Variants in PCSK5 observed in about 807,000 individuals in gnomAD.
PCSK5 encodes the protein proprotein convertase subtilisin/kexin type 5.
A neutral mutation model predicts 233.2 loss-of-function variants in PCSK5; 129 were observed. The ratio of observed to expected loss-of-function variants is 0.55; its 90% CI spans 0.48 to 0.64. PCSK5 has a LOEUF of 0.64. PCSK5 is among the 30% of genes least tolerant of loss of function. The pLI is 0.00. For synonymous variants in PCSK5, 825 were observed against 879.2 expected, an observed-to-expected ratio of 0.94 and a Z score of 1.09; for missense variants, 2,076 against 2,430.1, an observed-to-expected ratio of 0.85 and a Z score of 3.06.
intron 10 of PCSK5, among the ~76,000 whole-genome samples, chr9:76,142,059 C>A (rs1446069767): frequency 1.3e-5 from 2 of 151,992 alleles, no homozygotes; most frequent in Non-Finnish European, 2.9e-5. Flanking sequence ...ATGAAATAAT[C>A]TGTACAACAC....
chr9:76,031,422 C>T (rs1828648119), intron 5 of PCSK5, among the ~76,000 whole-genome samples: 1 of 152,148 alleles, frequency 6.6e-6, no homozygotes. Flanking sequence ...GGCACAGTGA[C>T]TCACACCTGT....
At chr9:76,215,700 C>A (rs1032612377) in intron 20 of PCSK5, among the ~76,000 whole-genome samples, 1 of 151,970 alleles carries the variant, frequency 6.6e-6, no homozygotes, top group South Asian at 2.1e-4. Context: ...GGCAGGCAGG[C>A]GATCCTTCTC....
intron 3 of PCSK5, among the ~76,000 whole-genome samples, chr9:75,987,786 T>C (rs1826586665): frequency 6.6e-6 from 1 of 152,228 alleles, no homozygotes; most frequent in Non-Finnish European, 1.5e-5. Context: ...GAGCTTTGTC[T>C]GCACTGACAA....
chr9:76,315,641 A>ATTTTTTT (rs777066898), intron 30 of PCSK5, among the ~76,000 whole-genome samples: 2 of 139,102 alleles, frequency 1.4e-5, no homozygotes, highest in Non-Finnish European at 3.1e-5. Context: ...GGAGAAGACT[A>ATTTTTTT]CTTTTTTTTT....
At chr9:75,977,767 C>T (rs932122215) in intron 2 of PCSK5, among the ~76,000 whole-genome samples, 3 of 151,642 alleles carry the variant, frequency 2.0e-5, no homozygotes, top group South Asian at 2.1e-4. Context: ...CCTCCCACCA[C>T]GCACGGCTAA....
intron 10 of PCSK5, among the ~76,000 whole-genome samples, chr9:76,145,166 A>G (rs546822748): frequency 3.0e-4 from 45 of 152,300 alleles, no homozygotes; most frequent in African/African-American, 7.2e-4. Context: ...TTTCATCACT[A>G]TCTTTATCAC....
chr9:76,040,397 C>CTGTCTCTCTGTCTCTCTG (rs1587537519), intron 5 of PCSK5, among the ~76,000 whole-genome samples: 4 of 121,610 alleles, frequency 3.3e-5, no homozygotes, highest in Non-Finnish European at 5.3e-5. Flanking sequence ...CTCTCTCTCT[C>CTGTCTCTCTGTCTCTCTG]TCTCTCTCTC....
intron 21 of PCSK5, among the ~76,000 whole-genome samples, chr9:76,231,937 T>A (rs1487225292): frequency 6.6e-6 from 1 of 151,954 alleles, no homozygotes; most frequent in Non-Finnish European, 1.5e-5. Context: ...AAGAGAGAGG[T>A]GGACTTCTCT....
At chr9:76,130,538 C>T (rs1374956140) in intron 9 of PCSK5, among the ~76,000 whole-genome samples, 3 of 152,126 alleles carry the variant, frequency 2.0e-5, no homozygotes, top group African/African-American at 7.2e-5. Flanking sequence ...ATGTTACCCA[C>T]GTCATGTGAT....
chr9:76,338,891 T>C (rs537311086), intron 35 of PCSK5, among the ~76,000 whole-genome samples: 17 of 152,262 alleles, frequency 1.1e-4, no homozygotes, highest in Non-Finnish European at 1.9e-4. Flanking sequence ...TCCAGGCTGA[T>C]ACTTTGAAGT....
intron 2 of PCSK5, among the ~76,000 whole-genome samples, chr9:75,939,452 C>G (rs1747384445): frequency 6.6e-6 from 1 of 152,112 alleles, no homozygotes; most frequent in Non-Finnish European, 1.5e-5. Context: ...TCTTACTAGT[C>G]TGTTTATAAA....
chr9:76,178,995 A>T (rs1346905352), intron 14 of PCSK5, among the ~76,000 whole-genome samples: 1 of 151,756 alleles, frequency 6.6e-6, no homozygotes, highest in Admixed American at 6.6e-5. Context: ...TTTTAAATTT[A>T]TATGTCATTT....
chr9:76,247,568 G>A (rs1826656140), intron 24 of PCSK5, among the ~76,000 whole-genome samples: 2 of 152,142 alleles, frequency 1.3e-5, no homozygotes, highest in South Asian at 4.1e-4. Flanking sequence ...TTCCCAGCTA[G>A]GCTTAGGGAT....
At chr9:76,062,088 A>C (rs952681458) in intron 5 of PCSK5, among the ~76,000 whole-genome samples, 1 of 152,126 alleles carries the variant, frequency 6.6e-6, no homozygotes, top group Non-Finnish European at 1.5e-5. Flanking sequence ...CTCTACAAAA[A>C]AATTTAAAAA....
intron 2 of PCSK5, among the ~76,000 whole-genome samples, chr9:75,976,652 T>C (rs1033404199): frequency 2.0e-5 from 3 of 151,950 alleles, no homozygotes; most frequent in Non-Finnish European, 2.9e-5. Flanking sequence ...CTTATGGGTA[T>C]TATTACTAGC....
chr9:76,026,837 A>G (rs988122090), intron 4 of PCSK5, 124 bp from the exon 5 acceptor site: 1 of 617,942 alleles, frequency 1.6e-6, no homozygotes, highest in Non-Finnish European at 2.9e-6. Context: ...CCGTGAGGTG[A>G]GCGTATTAGT....
At chr9:76,223,174 T>A (rs1454893824) in intron 20 of PCSK5, among the ~76,000 whole-genome samples, 1 of 152,220 alleles carries the variant, frequency 6.6e-6, no homozygotes, top group African/African-American at 2.4e-5. Context: ...TAAACTCACA[T>A]CATAAAATAT....
intron 9 of PCSK5, among the ~76,000 whole-genome samples, chr9:76,117,740 T>C (rs1173634109): frequency 6.6e-6 from 1 of 152,148 alleles, no homozygotes; most frequent in Non-Finnish European, 1.5e-5. Context: ...ATTAAACTTG[T>C]TCATCTAGTC....
chr9:75,945,969 A>G (rs1163723134), intron 2 of PCSK5, among the ~76,000 whole-genome samples: 2 of 152,214 alleles, frequency 1.3e-5, no homozygotes, highest in Non-Finnish European at 2.9e-5. Context: ...TGTGAATCCA[A>G]AACCATATTG....
Sources: gnomAD v4.1 joint callset for allele counts (sites outside exome capture counted in the v4.1 genomes callset) on GRCh38, gnomAD v4.1.1 for gene constraint, MANE v1.5 for transcripts, NCBI Gene and HGNC (gene_info 2026-07-23, HGNC 2026-07-21) for gene names.